The following NT5C2 variants were observed in gnomAD, a reference collection of about 807,000 sequenced individuals.
NT5C2 encodes 5'-nucleotidase, cytosolic II.
In NT5C2, 58 loss-of-function variants were observed where a neutral mutation model predicts 76.1. That is an observed-to-expected ratio of 0.76 (90% CI 0.62 to 0.95). The LOEUF (loss-of-function observed/expected upper bound fraction) is 0.95. Ranked by LOEUF, NT5C2 falls within the 40% of genes least tolerant of loss-of-function variation. The pLI is 0.00. For missense variants in NT5C2, 478 were observed against 690.3 expected, an observed-to-expected ratio of 0.69 and a Z score of 3.45; for synonymous variants, 229 against 237.4, an observed-to-expected ratio of 0.96 and a Z score of 0.32.
intron 4 of NT5C2, chr10:103,111,694 T>C: frequency 8.5e-7 from 1 of 1,171,112 alleles, no homozygotes; most frequent in Non-Finnish European, 1.1e-6. Context: ...AGGGCAAACC[T>C]CTACAGAGGT....
intron 3 of NT5C2, among the ~76,000 whole-genome samples, chr10:103,172,000 A>G (rs1026074818): frequency 4.6e-5 from 7 of 152,178 alleles, no homozygotes; most frequent in African/African-American, 1.7e-4. Context: ...ACCTGATATC[A>G]GGAGTTTGTG....
intron 4 of NT5C2, among the ~76,000 whole-genome samples, chr10:103,126,509 C>T (rs962250464): frequency 2.6e-5 from 4 of 152,180 alleles, no homozygotes; most frequent in African/African-American, 9.7e-5. Context: ...GTAGTCCCAG[C>T]TACTCAGGAG....
intron 4 of NT5C2, among the ~76,000 whole-genome samples, chr10:103,127,158 T>C (rs1364557610): frequency 6.6e-6 from 1 of 152,182 alleles, no homozygotes; most frequent in Non-Finnish European, 1.5e-5. Flanking sequence ...GCATAATTAA[T>C]GTACATAATC....
At chr10:103,186,135 G>C (rs1412038142) in intron 1 of NT5C2, among the ~76,000 whole-genome samples, 1 of 152,158 alleles carries the variant, frequency 6.6e-6, no homozygotes, top group African/African-American at 2.4e-5. Context: ...TAAGAGTACG[G>C]ATTCTGGAGC....
chr10:103,167,060 G>T (rs2086581877), intron 3 of NT5C2, among the ~76,000 whole-genome samples: 1 of 151,082 alleles, frequency 6.6e-6, no homozygotes. Flanking sequence ...CTGTCACCCA[G>T]GCTGGAGTGC....
intron 1 of NT5C2, among the ~76,000 whole-genome samples, chr10:103,186,578 A>G (rs909635121): frequency 6.6e-6 from 1 of 152,250 alleles, no homozygotes; most frequent in Non-Finnish European, 1.5e-5. Context: ...TTATTTCACC[A>G]AACCTACTTC....
At chr10:103,132,736 G>A (rs1011078034) in intron 4 of NT5C2, among the ~76,000 whole-genome samples, 2 of 152,020 alleles carry the variant, frequency 1.3e-5, no homozygotes, top group African/African-American at 4.8e-5. Context: ...TTTTTTAGTA[G>A]AGACAGGGTT....
intron 1 of NT5C2, among the ~76,000 whole-genome samples, chr10:103,184,837 A>ATC: frequency 6.6e-6 from 1 of 152,348 alleles, no homozygotes; most frequent in East Asian, 1.9e-4. Flanking sequence ...AAGGAAAAAT[A>ATC]ACAAAGTTGA....
Position 103,101,236 on chromosome 10 carries a change from T to C in NT5C2, c.480A>G (p.Pro160=). The change falls in exon 7 of 19, where the codon CCA becomes CCG. Residue 160 remains proline (P), a splice_region_variant and synonymous_variant. Coordinates refer to ENST00000404739, the MANE Select transcript of NT5C2 (RefSeq NM_001351169.2). ...FYILNTLFNL[P]ETYLLACLVD... Reference sequence around the variant, plus strand: ...TAAATAAGCATAGAATGAATCTACCTGGTAGGTTGAATAGTGTGTTCAGAA... The same window carrying C: ...TAAATAAGCATAGAATGAATCTACCCGGTAGGTTGAATAGTGTGTTCAGAA... 1 of 1,576,858 alleles carries C rather than the reference T, an allele frequency of 6.3e-7. No individual in the cohort carries two copies. The highest frequency in any genetic ancestry group is 8.7e-7 in the Non-Finnish European group (1 of 1,146,640).
At chr10:103,174,556 G>A (rs2134828582) in intron 3 of NT5C2, among the ~76,000 whole-genome samples, 1 of 152,192 alleles carries the variant, frequency 6.6e-6, no homozygotes, top group South Asian at 2.1e-4. Flanking sequence ...GGGCAACAGA[G>A]CAAGACTCTG....
chr10:103,169,372 T>TTTGG, intron 3 of NT5C2: 1 of 152,258 alleles, frequency 6.6e-6, no homozygotes, highest in Non-Finnish European at 1.5e-5. Flanking sequence ...ATCCCAGCAC[T>TTTGG]TTGGAAGGAC....
chr10:103,121,123 G>C (rs1477644981), intron 4 of NT5C2, among the ~76,000 whole-genome samples: 1 of 152,172 alleles, frequency 6.6e-6, no homozygotes, highest in Non-Finnish European at 1.5e-5. Context: ...CAACTGAGGG[G>C]TGGAGGGAAT....
Position 103,105,772 on chromosome 10 carries a change from T to C in NT5C2, c.323A>G (p.Asn108Ser). 6.2e-7 allele frequency: 1 copy of C among 1,613,318 alleles called. No homozygotes were observed. Among genetic ancestry groups the C allele is most frequent in the Middle Eastern group, 1.7e-4 (1 of 6,056 alleles). The change falls in exon 6 of 19, where the codon AAT becomes AGT. Residue 108 changes from asparagine (N) to serine (S), a missense_variant. By Grantham distance (46) the Asn-to-Ser change is conservative. Coordinates refer to ENST00000404739, the MANE Select transcript of NT5C2 (RefSeq NM_001351169.2). ...TCCATAGGCATCGACTTTCAAAAGA[T>C]TTCCATACAGTGTGTCAAAGACAAG... ...RGLVFDTLYG[N>S]LLKVDAYGNL...
At chr10:103,123,625 TTCTA>T (rs2076119216) in intron 4 of NT5C2, among the ~76,000 whole-genome samples, 1 of 152,194 alleles carries the variant, frequency 6.6e-6, no homozygotes, top group African/African-American at 2.4e-5. Context: ...AAATGTTCAT[TTCTA>T]TCTTCCTGAA....
intron 8 of NT5C2, 199 bp downstream of exon 8, chr10:103,100,844 GGA>G (rs1322449190): frequency 1.5e-6 from 1 of 677,600 alleles, no homozygotes; most frequent in East Asian, 2.8e-5. Flanking sequence ...ACACTGGCAA[GGA>G]GAGGGGCCGT....
At chr10:103,163,516 G>T (rs1312765467) in intron 3 of NT5C2, among the ~76,000 whole-genome samples, 1 of 151,952 alleles carries the variant, frequency 6.6e-6, no homozygotes, top group Non-Finnish European at 1.5e-5. Flanking sequence ...TCTTCCTAAT[G>T]GGTAAAGAAG....
intron 7 of NT5C2, 38 bp downstream of exon 7, chr10:103,101,192 AGAAGG>A: frequency 1.4e-6 from 2 of 1,425,674 alleles, no homozygotes; most frequent in Non-Finnish European, 2.0e-6. Flanking sequence ...TAATGGTCAC[AGAAGG>A]GAAAGCATCA....
chr10:103,169,201 C>A (rs1591698157), intron 3 of NT5C2: 1 of 152,078 alleles, frequency 6.6e-6, no homozygotes, highest in Admixed American at 6.6e-5. Flanking sequence ...TTGATTTAGC[C>A]ATTCCATATC....
intron 4 of NT5C2, among the ~76,000 whole-genome samples, chr10:103,107,472 C>G (rs775742965): frequency 1.3e-5 from 2 of 151,834 alleles, no homozygotes; most frequent in African/African-American, 4.8e-5. Flanking sequence ...GTGAAGAGTT[C>G]GAGACCAGCC....
Sources: allele counts gnomAD v4.1 joint callset (sites outside exome capture counted in the v4.1 genomes callset), GRCh38; gene constraint gnomAD v4.1.1; transcripts MANE v1.5; gene names NCBI Gene and HGNC (gene_info 2026-07-23, HGNC 2026-07-21).